The following PARN variants were observed in gnomAD, a reference collection of about 807,000 sequenced individuals.
PARN encodes the protein poly(A)-specific ribonuclease.
In PARN, 71 loss-of-function variants were observed where a neutral mutation model predicts 102.8. That is an observed-to-expected ratio of 0.69 (90% CI 0.57 to 0.84). The LOEUF (loss-of-function observed/expected upper bound fraction) is 0.84, where lower values mean the gene tolerates loss of function less well. PARN is among the 40% of genes least tolerant of loss of function. The pLI, the probability that PARN is intolerant of heterozygous loss-of-function variation, is 0.00. For synonymous variants in PARN, 261 were observed against 252.9 expected (o/e 1.03, Z -0.30); for missense variants, 782 against 760.9 (o/e 1.03, Z -0.33).
intron 5 of PARN, among the ~76,000 whole-genome samples, chr16:14,620,726 G>C (rs1016830956): frequency 5.9e-5 from 9 of 152,152 alleles, no homozygotes; most frequent in Admixed American, 2.0e-4. Context: ...TAAATGTTCT[G>C]AGGTCTCTAT....
In PARN at chr16:14,538,904, T is replaced by C. The variant is rs140947667; in HGVS notation, c.1480+13117A>G. Among the ~76,000 whole-genome samples, 1,268 of 152,218 alleles carry C rather than the reference T, an allele frequency of 8.3e-3. 22 individuals carry two copies. Among genetic ancestry groups the C allele is most frequent in the African/African-American group, 0.029 (1,186 of 41,510 alleles). ...GTAAGAACATGAGCCCTATTGTAAATTGCACATATGAGGAATCTAGGTTGT... is the reference window on the plus strand; with the variant it reads ...GTAAGAACATGAGCCCTATTGTAAACTGCACATATGAGGAATCTAGGTTGT... On this transcript the variant is annotated intron_variant, in intron 21 of 23. Transcript: ENST00000437198.
At chr16:14,593,098 T>C (rs886886786) in intron 13 of PARN, among the ~76,000 whole-genome samples, 1 of 152,024 alleles carries the variant, frequency 6.6e-6, no homozygotes, top group South Asian at 2.1e-4. Context: ...ATTGCACCAC[T>C]GCACTCCTGG....
intron 22 of PARN, among the ~76,000 whole-genome samples, chr16:14,472,992 C>T (rs1357293712): frequency 6.6e-6 from 1 of 151,958 alleles, no homozygotes; most frequent in African/African-American, 2.4e-5. Flanking sequence ...AGTATAGATA[C>T]AAAAAGTAGT....
intron 21 of PARN, among the ~76,000 whole-genome samples, chr16:14,546,513 C>A (rs1966954801): frequency 6.6e-6 from 1 of 152,166 alleles, no homozygotes; most frequent in South Asian, 2.1e-4. Context: ...GTGTCTTTAT[C>A]AATTTCTGCT....
At chr16:14,605,624 G>C (rs1251297779) in intron 10 of PARN, among the ~76,000 whole-genome samples, 1 of 152,062 alleles carries the variant, frequency 6.6e-6, no homozygotes, top group South Asian at 2.1e-4. Flanking sequence ...GTCCACTAAA[G>C]ATAAATTATC....
intron 5 of PARN, among the ~76,000 whole-genome samples, chr16:14,620,400 G>A (rs980121042): frequency 2.6e-5 from 4 of 152,084 alleles, no homozygotes; most frequent in African/African-American, 9.7e-5. Context: ...AAAAAACACT[G>A]TATTAAGTGA....
intron 18 of PARN, among the ~76,000 whole-genome samples, chr16:14,559,390 T>G (rs530113709): frequency 2.3e-4 from 35 of 151,520 alleles, no homozygotes; most frequent in South Asian, 1.3e-3. Context: ...TATTCTCAGC[T>G]AAAACACTCA....
chr16:14,563,392 G>T (rs778966966), intron 18 of PARN, among the ~76,000 whole-genome samples: 1 of 152,290 alleles, frequency 6.6e-6, no homozygotes, highest in Middle Eastern at 3.4e-3. Context: ...GGTTGTGAGT[G>T]TACCATGACA....
chr16:14,508,385 A>G (rs1965005185), intron 21 of PARN, among the ~76,000 whole-genome samples: 1 of 152,134 alleles, frequency 6.6e-6, no homozygotes, highest in South Asian at 2.1e-4. Context: ...AAAAAATAAT[A>G]GTAGCAAAAT....
intron 21 of PARN, among the ~76,000 whole-genome samples, chr16:14,509,204 T>A (rs1965060632): frequency 6.6e-6 from 1 of 152,088 alleles, no homozygotes; most frequent in Non-Finnish European, 1.5e-5. Context: ...CTAAGAAAAG[T>A]ATAAACCCCG....
At chr16:14,598,069 G>A (rs973635933) in intron 12 of PARN, among the ~76,000 whole-genome samples, 3 of 152,098 alleles carry the variant, frequency 2.0e-5, no homozygotes, top group South Asian at 2.1e-4. Flanking sequence ...GCTTGAACCC[G>A]AGAGGCGGAG....
At chr16:14,573,604 C>T (rs146941554) in intron 18 of PARN, among the ~76,000 whole-genome samples, 216 of 152,306 alleles carry the variant, frequency 1.4e-3, no homozygotes, top group Non-Finnish European at 2.2e-3. Flanking sequence ...GGCTATGTCC[C>T]CATCCAAATC....
intron 6 of PARN, among the ~76,000 whole-genome samples, chr16:14,616,830 T>C (rs978232583): frequency 2.0e-5 from 3 of 152,096 alleles, no homozygotes; most frequent in Non-Finnish European, 4.4e-5. Flanking sequence ...ATGCACTAGC[T>C]GGAAAAGAGG....
chr16:14,525,322 G>A (rs969295840), intron 21 of PARN, among the ~76,000 whole-genome samples: 2 of 152,178 alleles, frequency 1.3e-5, no homozygotes, highest in African/African-American at 4.8e-5. Context: ...AGTTGTCCAA[G>A]ACTCATCAGT....
At chr16:14,475,382 T>C (rs189439411) in intron 22 of PARN, among the ~76,000 whole-genome samples, 2 of 152,318 alleles carry the variant, frequency 1.3e-5, no homozygotes, top group East Asian at 3.9e-4. Flanking sequence ...TAGAGGAGTA[T>C]TCTCCAAACA....
At chr16:14,513,278 A>G (rs1190173037) in intron 21 of PARN, among the ~76,000 whole-genome samples, 2 of 152,198 alleles carry the variant, frequency 1.3e-5, no homozygotes, top group Non-Finnish European at 2.9e-5. Context: ...AAACAAAATC[A>G]TTAACGTAAT....
At chr16:14,438,789 T>A (rs1449087545) in intron 23 of PARN, among the ~76,000 whole-genome samples, 1 of 152,182 alleles carries the variant, frequency 6.6e-6, no homozygotes, top group Non-Finnish European at 1.5e-5. Context: ...GTTTTCACTG[T>A]CTACCTGTAC....
At chr16:14,535,775 C>A (rs1247623484) in intron 21 of PARN, among the ~76,000 whole-genome samples, 1 of 152,082 alleles carries the variant, frequency 6.6e-6, no homozygotes, top group Non-Finnish European at 1.5e-5. Flanking sequence ...TAATCTCTTC[C>A]TGTGCCTAAT....
intron 18 of PARN, among the ~76,000 whole-genome samples, chr16:14,568,523 T>C (rs1968576621): frequency 6.6e-6 from 1 of 151,716 alleles, no homozygotes. Context: ...GAGGATCCCT[T>C]GGGCCCAGAA....
Sources: gnomAD v4.1 joint callset for allele counts (sites outside exome capture counted in the v4.1 genomes callset) on GRCh38, gnomAD v4.1.1 for gene constraint, MANE v1.5 for transcripts, NCBI Gene and HGNC (gene_info 2026-07-23, HGNC 2026-07-21) for gene names.